The following CXCL13 variants were observed in gnomAD, a reference collection of about 807,000 sequenced individuals.
CXCL13 encodes C-X-C motif chemokine ligand 13, also known as C-X-C motif chemokine 13.
Under a neutral mutation model 12.2 loss-of-function variants are expected in CXCL13, and 7 were observed. The observed-to-expected ratio is 0.57, with a 90% CI of 0.33 to 1.07. The LOEUF is 1.07. Among genes scored for constraint, CXCL13 ranks in the 50% least tolerant of loss-of-function variants. The pLI, the probability that CXCL13 is intolerant of heterozygous loss-of-function variation, is 0.04. For missense variants in CXCL13, 113 were observed against 127.4 expected (o/e 0.89, Z 0.55); for synonymous variants, 47 against 42.4 (o/e 1.11, Z -0.42).
chr4:77,566,562 AT>A (rs1725927407), intron 1 of CXCL13, among the ~76,000 whole-genome samples: 3 of 150,212 alleles, frequency 2.0e-5, no homozygotes, highest in African/African-American at 7.6e-5. Flanking sequence ...CCTGTTTTAA[AT>A]TTAAAAAAAA....
chr4:77,557,784 C>T (rs1033178871), intron 1 of CXCL13, among the ~76,000 whole-genome samples: 2 of 152,200 alleles, frequency 1.3e-5, no homozygotes, highest in Admixed American at 6.5e-5. Context: ...TGGAGCTTCT[C>T]ACACCAGGAA....
At chr4:77,580,304 C>CTTTTTTT (rs1560531865) in intron 1 of CXCL13, among the ~76,000 whole-genome samples, 2 of 8,008 alleles carry the variant, frequency 2.5e-4, no homozygotes, top group Non-Finnish European at 5.8e-4. Context: ...GACAAGTTTT[C>CTTTTTTT]TTTCTTTTTT....
chr4:77,578,565 G>C (rs1161333252), intron 1 of CXCL13, among the ~76,000 whole-genome samples: 3 of 152,186 alleles, frequency 2.0e-5, no homozygotes, highest in Non-Finnish European at 4.4e-5. Flanking sequence ...CCTTCTGTAG[G>C]GGGAAAGAGT....
intron 1 of CXCL13, among the ~76,000 whole-genome samples, chr4:77,568,492 G>A (rs1725988389): frequency 6.6e-6 from 1 of 152,108 alleles, no homozygotes; most frequent in Non-Finnish European, 1.5e-5. Context: ...TGTCATTGTG[G>A]CATTTATTGT....
intron 1 of CXCL13, among the ~76,000 whole-genome samples, chr4:77,524,470 T>C (rs1414259392): frequency 3.3e-5 from 5 of 152,154 alleles, no homozygotes; most frequent in Non-Finnish European, 7.3e-5. Flanking sequence ...GGCTGCCACC[T>C]CACAGTTCGA....
At position 77,607,503 on chromosome 4, in the gene CXCL13, T is replaced by C. The variant is rs184895415; in HGVS notation, c.65-200T>C. On this transcript the variant is annotated intron_variant, in intron 1 of 3. Transcript: ENST00000682537. The stretch of plus-strand genomic sequence containing the variant: ...TGCCTGGCCTAAAAGCTAACTTTAT[T>C]TTTAAAGTTTTGGTAGAAAACATTT... Among the ~76,000 whole-genome samples the C allele has an allele frequency of 1.7e-3, 256 of 152,288 alleles. 1 individual carries two copies. The highest frequency in any genetic ancestry group is 5.8e-3 in the African/African-American group (240 of 41,568).
At chr4:77,533,322 A>G (rs1343650978) in intron 1 of CXCL13, among the ~76,000 whole-genome samples, 1 of 152,190 alleles carries the variant, frequency 6.6e-6, no homozygotes, top group Non-Finnish European at 1.5e-5. Context: ...TTGCCTGGGT[A>G]TCAGCAGCAG....
intron 1 of CXCL13, among the ~76,000 whole-genome samples, chr4:77,594,984 G>C (rs1356352747): frequency 6.6e-6 from 1 of 151,902 alleles, no homozygotes; most frequent in Non-Finnish European, 1.5e-5. Context: ...ATTGGCCACG[G>C]TAAGAGTATG....
At chr4:77,526,027 A>T (rs994876728) in intron 1 of CXCL13, among the ~76,000 whole-genome samples, 12 of 151,454 alleles carry the variant, frequency 7.9e-5, no homozygotes, top group Non-Finnish European at 1.0e-4. Flanking sequence ...AAAAGCATTT[A>T]AAAAAACTCC....
chr4:77,521,845 T>C (rs1226596710), intron 1 of CXCL13, among the ~76,000 whole-genome samples: 1 of 152,218 alleles, frequency 6.6e-6, no homozygotes, highest in Non-Finnish European at 1.5e-5. Context: ...CTTGTGGGCA[T>C]TTAGTGCTAT....
intron 1 of CXCL13, among the ~76,000 whole-genome samples, chr4:77,523,013 C>T (rs1385734444): frequency 6.6e-6 from 1 of 152,134 alleles, no homozygotes; most frequent in Non-Finnish European, 1.5e-5. Context: ...AAATTCTTTT[C>T]TTTAAGAATG....
upstream of CXCL13, among the ~76,000 whole-genome samples, chr4:77,601,464 A>G (rs986481406): frequency 6.6e-6 from 1 of 152,256 alleles, no homozygotes; most frequent in Non-Finnish European, 1.5e-5. Flanking sequence ...GTACATTTGT[A>G]TGAAATAACA....
chr4:77,603,199 G>A (rs1268832108), upstream of CXCL13, among the ~76,000 whole-genome samples: 1 of 152,076 alleles, frequency 6.6e-6, no homozygotes, highest in Non-Finnish European at 1.5e-5. Context: ...AGTACTTAGA[G>A]GTAAATGTAA....
intron 1 of CXCL13, among the ~76,000 whole-genome samples, chr4:77,568,394 C>T (rs1725986400): frequency 6.6e-6 from 1 of 152,184 alleles, no homozygotes; most frequent in Non-Finnish European, 1.5e-5. Flanking sequence ...CCTTTGTCAC[C>T]TCTTCTCTCC....
chr4:77,610,173 A>T (rs1392129117), intron 2 of CXCL13, among the ~76,000 whole-genome samples: 1 of 150,096 alleles, frequency 6.7e-6, no homozygotes, highest in Admixed American at 6.6e-5. Context: ...ATTGCACTGA[A>T]TTTTTTTTTT....
At chr4:77,603,676 G>A (rs555087088), upstream of CXCL13, among the ~76,000 whole-genome samples, 3 of 152,272 alleles carry the variant, frequency 2.0e-5, no homozygotes, top group African/African-American at 7.2e-5. Flanking sequence ...GATCTTTTAT[G>A]GATGGATGGA....
intron 1 of CXCL13, among the ~76,000 whole-genome samples, chr4:77,566,407 C>A (rs1181817059): frequency 6.6e-6 from 1 of 152,152 alleles, no homozygotes; most frequent in African/African-American, 2.4e-5. Context: ...ATTATAGGAA[C>A]TAGAAAAGAA....
At chr4:77,519,248 G>C (rs1471091612) in intron 1 of CXCL13, among the ~76,000 whole-genome samples, 1 of 152,276 alleles carries the variant, frequency 6.6e-6, no homozygotes, top group Non-Finnish European at 1.5e-5. Flanking sequence ...CAGGGGTCAG[G>C]GACCCACTTG....
intron 1 of CXCL13, among the ~76,000 whole-genome samples, chr4:77,551,077 A>G (rs1031795338): frequency 6.6e-6 from 1 of 152,240 alleles, no homozygotes; most frequent in African/African-American, 2.4e-5. Flanking sequence ...ATTTTTATTC[A>G]ACTTGCCACC....
Sources: allele counts gnomAD v4.1 joint callset (sites outside exome capture counted in the v4.1 genomes callset), GRCh38; gene constraint gnomAD v4.1.1; transcripts MANE v1.5; gene names NCBI Gene and HGNC (gene_info 2026-07-23, HGNC 2026-07-21).